DAB1: variants seen among roughly 807,000 people sequenced by gnomAD.
DAB1 encodes the protein DAB adaptor protein 1.
Under a neutral mutation model 64.6 loss-of-function variants are expected in DAB1, and 15 were observed. The ratio of observed to expected loss-of-function variants is 0.23; its 90% CI spans 0.16 to 0.36. The LOEUF (loss-of-function observed/expected upper bound fraction) is 0.36. Among genes scored for constraint, DAB1 ranks in the 10% least tolerant of loss-of-function variants. The pLI is 1.00. For synonymous variants in DAB1, 235 were observed against 251.9 expected, an observed-to-expected ratio of 0.93 and a Z score of 0.64; for missense variants, 596 against 706.7, an observed-to-expected ratio of 0.84 and a Z score of 1.78.
At chr1:57,909,253 T>C (rs1232250889) in intron 5 of DAB1, among the ~76,000 whole-genome samples, 1 of 152,212 alleles carries the variant, frequency 6.6e-6, no homozygotes, top group African/African-American at 2.4e-5. Context: ...AGTGGCCTTC[T>C]TCATAAAGCG....
At chr1:57,508,113 A>C (rs1165865568) in intron 7 of DAB1, among the ~76,000 whole-genome samples, 1 of 152,162 alleles carries the variant, frequency 6.6e-6, no homozygotes, top group Non-Finnish European at 1.5e-5. Flanking sequence ...CTGATCCTTC[A>C]TTACTGCCCT....
intron 5 of DAB1, among the ~76,000 whole-genome samples, chr1:58,019,280 A>G (rs770946463): frequency 3.9e-5 from 6 of 152,218 alleles, no homozygotes; most frequent in Non-Finnish European, 8.8e-5. Flanking sequence ...GGCCCAATTC[A>G]CTGCTGGAAC....
chr1:57,021,486 T>A (rs1323206096), intron 11 of DAB1, among the ~76,000 whole-genome samples: 4 of 152,180 alleles, frequency 2.6e-5, no homozygotes, highest in African/African-American at 7.2e-5. Context: ...GTAAGTCTCA[T>A]GAGATCTGAT....
intron 4 of DAB1, among the ~76,000 whole-genome samples, chr1:57,085,331 A>G (rs191599214): frequency 2.0e-5 from 3 of 152,154 alleles, no homozygotes; most frequent in African/African-American, 7.2e-5. Context: ...ATAGATTTTC[A>G]TCTCTGTGCC....
At position 57,300,874 on chromosome 1, in the gene DAB1, T is replaced by C. The variant is rs556011229; in HGVS notation, c.-136-9708A>G. Among the ~76,000 whole-genome samples the C allele has an allele frequency of 3.3e-5, 5 of 152,246 alleles. No individual in the cohort carries two copies. In the East Asian group the frequency reaches 9.7e-4, roughly 29 times the overall value. On this transcript the variant is annotated intron_variant, in intron 1 of 14. Transcript: ENST00000371236. ...CATACATTGGTGAAGACCTCAAAAA[T>C]TATTCATTGATTCATTGACTACTCA... is the stretch of plus-strand genomic sequence containing the variant.
intron 1 of DAB1, among the ~76,000 whole-genome samples, chr1:58,534,741 C>T (rs1646490371): frequency 6.6e-6 from 1 of 152,186 alleles, no homozygotes; most frequent in Admixed American, 6.5e-5. Flanking sequence ...TCAAGACCAG[C>T]CTGGGCAACA....
At position 58,325,048 on chromosome 1, in the gene DAB1, G is replaced by T. The variant is rs80033524; in HGVS notation, n.309+18304C>A. ...ATACACCAGGCAGCAGTCGCCAATA[G>T]GTCAGACTTGGCATATGAGAGACAG... On this transcript the variant is annotated intron_variant and non_coding_transcript_variant, in intron 4 of 20. Transcript: ENST00000485760. 8.8e-3 allele frequency among the ~76,000 whole-genome samples: 1,342 copies of T among 152,292 alleles called. 22 individuals are homozygous for T. The highest frequency in any genetic ancestry group is 0.064 in the East Asian group (331 of 5,180).
intron 4 of DAB1, among the ~76,000 whole-genome samples, chr1:58,300,628 GAGAGAGAGAGAGAGAGAGAGGAAGGA>G (rs1385551409): frequency 3.3e-4 from 18 of 54,334 alleles, no homozygotes; most frequent in East Asian, 1.6e-3. Flanking sequence ...GAGAGAGAGA[GAGAGAGAGAGAGAGAGAGAGGAAGGA>G]AGGAAGGAAG....
In DAB1 at chr1:57,440,563, A is replaced by T. The variant is rs79350959; in HGVS notation, n.626-149397T>A. 8.5e-3 allele frequency among the ~76,000 whole-genome samples: 1,264 copies of T among 149,014 alleles called. 9 individuals are homozygous for T. Among genetic ancestry groups the T allele is most frequent in the Admixed American group, 0.013 (199 of 15,166 alleles). ...AAAGGAGAGAGGGAAGGAAGAAAGG[A>T]GGGAGGGAGGGAGGAAGGAAGAATG... On this transcript the variant is annotated intron_variant and non_coding_transcript_variant, in intron 7 of 20. Coordinates refer to the DAB1 transcript ENST00000485760.
chr1:58,121,626 T>A (rs1243718256), intron 5 of DAB1, among the ~76,000 whole-genome samples: 3 of 152,154 alleles, frequency 2.0e-5, no homozygotes, highest in South Asian at 2.1e-4. Flanking sequence ...CTGTCATGAA[T>A]GATAGCCAAT....
intron 6 of DAB1, among the ~76,000 whole-genome samples, chr1:57,811,627 A>T (rs547795316): frequency 1.3e-5 from 2 of 152,336 alleles, no homozygotes; most frequent in Non-Finnish European, 2.9e-5. Context: ...AGTAACATTC[A>T]CAAGGTTTGG....
Position 58,195,992 on chromosome 1 carries a change from A to G in DAB1, n.310-45404T>C, listed in dbSNP as rs77535125. 2.3e-3 allele frequency among the ~76,000 whole-genome samples: 352 copies of G among 152,286 alleles called. 2 individuals carry two copies. Among genetic ancestry groups the G allele is most frequent in the African/African-American group, 7.8e-3 (325 of 41,560 alleles). On this transcript the variant is annotated intron_variant and non_coding_transcript_variant, in intron 4 of 20. Transcript: ENST00000485760. ...TCTGACTCCTTTACCCTTAAGAATTATTCTCTCCAGCCCCTAAACTGTAGT... is the reference window on the plus strand; with the variant it reads ...TCTGACTCCTTTACCCTTAAGAATTGTTCTCTCCAGCCCCTAAACTGTAGT...
At chr1:57,766,674 C>A (rs998746678) in intron 6 of DAB1, among the ~76,000 whole-genome samples, 1 of 150,094 alleles carries the variant, frequency 6.7e-6, no homozygotes, top group South Asian at 2.1e-4. Context: ...AGTCATCTAG[C>A]GGGTGTCCTA....
intron 6 of DAB1, among the ~76,000 whole-genome samples, chr1:57,683,140 GA>G (rs1646656041): frequency 6.6e-6 from 1 of 152,238 alleles, no homozygotes; most frequent in African/African-American, 2.4e-5. Context: ...CATTTGAGCA[GA>G]GGAGGAGCCC....
chr1:57,271,615 G>C (rs918114560), intron 2 of DAB1, among the ~76,000 whole-genome samples: 2 of 152,180 alleles, frequency 1.3e-5, no homozygotes, highest in African/African-American at 4.8e-5. Context: ...CAGACATAGG[G>C]ATGAGGCAAG....
chr1:57,521,206 A>AT (rs1644521903), intron 7 of DAB1, among the ~76,000 whole-genome samples: 1 of 152,098 alleles, frequency 6.6e-6, no homozygotes, highest in East Asian at 1.9e-4. Flanking sequence ...TATCCTCTGG[A>AT]TTTTTCAGTT....
intron 7 of DAB1, among the ~76,000 whole-genome samples, chr1:57,553,144 G>T (rs567370138): frequency 6.6e-6 from 1 of 151,754 alleles, no homozygotes; most frequent in Non-Finnish European, 1.5e-5. Flanking sequence ...TAAATCTGAG[G>T]TACCTATGGG....
intron 5 of DAB1, among the ~76,000 whole-genome samples, chr1:58,098,391 G>A (rs768330290): frequency 6.6e-6 from 1 of 152,144 alleles, no homozygotes; most frequent in Non-Finnish European, 1.5e-5. Context: ...GTGGTGGCTT[G>A]CATAGACAGG....
chr1:57,915,538 A>AC (rs1302297031), intron 5 of DAB1, among the ~76,000 whole-genome samples: 1 of 151,882 alleles, frequency 6.6e-6, no homozygotes, highest in African/African-American at 2.4e-5. Context: ...CATACTTAAG[A>AC]CATCAAAGCT....
Sources: gnomAD v4.1 joint callset for allele counts (sites outside exome capture counted in the v4.1 genomes callset) on GRCh38, gnomAD v4.1.1 for gene constraint, MANE v1.5 for transcripts, NCBI Gene and HGNC (gene_info 2026-07-23, HGNC 2026-07-21) for gene names.